USP13: variants seen among roughly 807,000 people sequenced by gnomAD.
USP13 encodes the protein ubiquitin specific peptidase 13, also known as ubiquitin carboxyl-terminal hydrolase 13.
In USP13, 68 loss-of-function variants were observed where a neutral mutation model predicts 107.8. The ratio of observed to expected loss-of-function variants is 0.63; its 90% CI spans 0.52 to 0.77. The LOEUF (loss-of-function observed/expected upper bound fraction) is 0.77, where lower values mean the gene tolerates loss of function less well. Among genes scored for constraint, USP13 ranks in the 30% least tolerant of loss-of-function variants. The probability of loss-of-function intolerance (pLI) is 0.00; values close to 1 mark genes in which losing one functional copy is unlikely to be tolerated. For missense variants in USP13, 945 were observed against 1,093.3 expected, an observed-to-expected ratio of 0.86 and a Z score of 1.91; for synonymous variants, 377 against 389.5, an observed-to-expected ratio of 0.97 and a Z score of 0.38.
intron 1 of USP13, among the ~76,000 whole-genome samples, chr3:179,670,319 G>A (rs1001191236): frequency 2.0e-5 from 3 of 152,042 alleles, no homozygotes; most frequent in African/African-American, 4.8e-5. Flanking sequence ...ATGTCATTAG[G>A]GCACCACCCT....
chr3:179,730,118 T>C (rs973291734), intron 8 of USP13, 71 bp from the exon 9 acceptor site: 5 of 1,447,028 alleles, frequency 3.5e-6, no homozygotes, highest in East Asian at 4.6e-5. Flanking sequence ...TTAGCAAGAA[T>C]TTTGATGGCT....
Position 179,785,514 on chromosome 3 carries a change from G to C in USP13, c.*1373G>C, listed in dbSNP as rs953102283. Reference sequence around the variant, plus strand: ...TCCTACTGGTCCGTACCAAATTCTAGAGTCTCTGGAGTTGCTATTTCAGAG... The same window carrying C: ...TCCTACTGGTCCGTACCAAATTCTACAGTCTCTGGAGTTGCTATTTCAGAG... On this transcript the variant is annotated 3_prime_UTR_variant, in exon 21 of 21. Transcript: ENST00000263966. 6.6e-6 allele frequency: 1 copy of C among 152,164 alleles called. No individual in the cohort carries two copies. Among genetic ancestry groups the C allele is most frequent in the Non-Finnish European group, 1.5e-5 (1 of 68,038 alleles). 9.4% of individuals were successfully genotyped at this position (152,164 alleles called of 1,614,324 possible).
chr3:179,692,737 T>G (rs1177756276), intron 3 of USP13, among the ~76,000 whole-genome samples: 34 of 152,236 alleles, frequency 2.2e-4, no homozygotes, highest in Admixed American at 2.2e-3. Context: ...TAGCTGACCT[T>G]GGCCTTTAAT....
intron 20 of USP13, 35 bp downstream of exon 20, chr3:179,781,858 A>C: frequency 6.4e-7 from 1 of 1,567,530 alleles, no homozygotes; most frequent in Non-Finnish European, 8.8e-7. Context: ...GTTAGCTGTG[A>C]TTTATTGAGT....
In USP13 at chr3:179,730,801, A is replaced by AT; in HGVS notation, c.1254+95dup. 4 of 1,174,342 alleles carry AT rather than the reference A, an allele frequency of 3.4e-6. No homozygotes were observed. In the South Asian group the frequency reaches 5.4e-5, roughly 16 times the overall value. The allele number at this position is 1,174,342 out of a possible 1,614,324, so 72.7% of individuals were successfully genotyped here. A position where few individuals can be genotyped will look rare whatever the true frequency, so the allele number is the denominator to read the frequency against. On this transcript the variant is annotated intron_variant, in intron 10 of 20. Transcript: ENST00000263966. The stretch of plus-strand genomic sequence containing the variant: ...ATGATTTGGCACATGGTGGCCATAA[A>AT]TTTAGCAAGCTGTCAGAATAGTAAT...
chr3:179,724,122 C>G (rs537446839), intron 8 of USP13, among the ~76,000 whole-genome samples: 1 of 149,398 alleles, frequency 6.7e-6, no homozygotes, highest in Non-Finnish European at 1.5e-5. Context: ...GTTGTGCCAC[C>G]GTACTCAGGC....
intron 13 of USP13, among the ~76,000 whole-genome samples, chr3:179,750,306 A>G (rs75082596): frequency 0.025 from 2,192 of 85,962 alleles, 52 homozygotes; most frequent in African/African-American, 0.08. Context: ...ATGTGTGTGT[A>G]TATATATATA....
chr3:179,783,860 T>TAA (rs55669733), intron 20 of USP13, among the ~76,000 whole-genome samples, 188 bp from the exon 21 acceptor site: 1,500 of 137,300 alleles, frequency 0.011, 30 homozygotes, highest in African/African-American at 0.037. Flanking sequence ...CCTTGTCTCT[T>TAA]AAAAAAAAAA....
chr3:179,713,191 A>C (rs1209234526), intron 6 of USP13, among the ~76,000 whole-genome samples: 1 of 152,236 alleles, frequency 6.6e-6, no homozygotes, highest in Non-Finnish European at 1.5e-5. Flanking sequence ...TGGCAACAGC[A>C]ATGCAGATCG....
At chr3:179,677,651 A>G (rs1711516684) in intron 1 of USP13, among the ~76,000 whole-genome samples, 1 of 152,172 alleles carries the variant, frequency 6.6e-6, no homozygotes, top group Non-Finnish European at 1.5e-5. Flanking sequence ...CTTGACAATG[A>G]AATTAGCAAA....
chr3:179,680,734 G>T (rs1056188417), intron 1 of USP13, among the ~76,000 whole-genome samples: 2 of 151,936 alleles, frequency 1.3e-5, no homozygotes, highest in Non-Finnish European at 2.9e-5. Context: ...GTAGAGACGG[G>T]GTTTCACCAT....
At chr3:179,662,274 G>A (rs1262345524) in intron 1 of USP13, among the ~76,000 whole-genome samples, 1 of 152,154 alleles carries the variant, frequency 6.6e-6, no homozygotes, top group Admixed American at 6.5e-5. Flanking sequence ...TCTTTGCCAG[G>A]AGAGGGAGGG....
At chr3:179,751,282 G>A (rs189970209) in intron 13 of USP13, among the ~76,000 whole-genome samples, 1 of 152,268 alleles carries the variant, frequency 6.6e-6, no homozygotes, top group Admixed American at 6.5e-5. Flanking sequence ...GTTTGAAGAG[G>A]ATTCAAGATA....
chr3:179,735,604 T>C (rs1713969618), intron 10 of USP13, among the ~76,000 whole-genome samples: 1 of 152,192 alleles, frequency 6.6e-6, no homozygotes, highest in Non-Finnish European at 1.5e-5. Context: ...TCATTTTTTC[T>C]CTTCCTCTCC....
At chr3:179,739,292 C>A (rs532426389) in intron 10 of USP13, among the ~76,000 whole-genome samples, 1 of 152,330 alleles carries the variant, frequency 6.6e-6, no homozygotes, top group East Asian at 1.9e-4. Flanking sequence ...TGCCCTGCTG[C>A]CTGTTCTTCC....
In USP13 at chr3:179,653,178, C is replaced by T. The variant is rs1720135013; in HGVS notation, c.-48C>T. 9.4e-6 allele frequency: 11 copies of T among 1,175,298 alleles called. No individual in the cohort carries two copies. Among genetic ancestry groups the T allele is most frequent in the Non-Finnish European group, 1.1e-5 (10 of 948,918 alleles). 72.8% of individuals were successfully genotyped at this position (1,175,298 alleles called of 1,614,324 possible). A position where few individuals can be genotyped will look rare whatever the true frequency, so the allele number is the denominator to read the frequency against. On this transcript the variant is annotated 5_prime_UTR_variant, in exon 1 of 21. Transcript: ENST00000263966. The surrounding 1 kb of genome is among the most constrained non-coding windows in gnomAD (Gnocchi z 4.0). ...GCGCCGCCGCCGCCGGCAGACCCCG[C>T]GCTCCGGCTCCGGCTCGGCTCGCTC... is the stretch of plus-strand genomic sequence containing the variant.
chr3:179,766,040 C>T (rs1394624837), intron 19 of USP13, among the ~76,000 whole-genome samples, 192 bp downstream of exon 19: 1 of 150,788 alleles, frequency 6.6e-6, no homozygotes, highest in African/African-American at 2.4e-5. Context: ...TGTGCTGTGG[C>T]GCGATCTCGG....
rs562694303 is a variant in USP13, at chr3:179,687,562, C to T, written c.295-2679C>T. 1.4e-4 allele frequency among the ~76,000 whole-genome samples: 21 copies of T among 147,930 alleles called. No individual in the cohort carries two copies. In the East Asian group the frequency reaches 1.6e-3, roughly 12 times the overall value. Reference sequence around the variant, plus strand: ...TAGTCCCAGCTACTCGGGAGGCTGGCGCAGGAGAATCGCTTGGACCTGGGA... The same window carrying T: ...TAGTCCCAGCTACTCGGGAGGCTGGTGCAGGAGAATCGCTTGGACCTGGGA... On this transcript the variant is annotated intron_variant, in intron 2 of 20. Coordinates refer to ENST00000263966, the MANE Select transcript of USP13 (RefSeq NM_003940.3).
At chr3:179,675,536 T>TTTATTA (rs57851865) in intron 1 of USP13, among the ~76,000 whole-genome samples, 11,813 of 146,290 alleles carry the variant, frequency 0.081, 586 homozygotes, top group African/African-American at 0.13. Flanking sequence ...TGTAACCTAT[T>TTTATTA]TTATTATTAT....
Sources: allele counts gnomAD v4.1 joint callset (sites outside exome capture counted in the v4.1 genomes callset), GRCh38; gene constraint gnomAD v4.1.1; non-coding constraint Gnocchi (gnomAD v3.1); transcripts MANE v1.5; gene names NCBI Gene and HGNC (gene_info 2026-07-23, HGNC 2026-07-21).